MORC2: variants seen among roughly 807,000 people sequenced by gnomAD.
MORC2 encodes the protein MORC family CW-type zinc finger 2, also known as ATPase MORC2.
A neutral mutation model predicts 136.0 loss-of-function variants in MORC2; 30 were observed. The observed-to-expected ratio is 0.22, with a 90% CI of 0.17 to 0.30. The LOEUF is 0.30. Among genes scored for constraint, MORC2 ranks in the 10% least tolerant of loss-of-function variants. MORC2 has a pLI of 1.00. For missense variants in MORC2, 922 were observed against 1,333.1 expected (o/e 0.69, Z 4.80); for synonymous variants, 439 against 487.0 (o/e 0.90, Z 1.30).
chr22:30,958,763 G>A (rs2041002410), intron 1 of MORC2, 69 bp from the exon 2 acceptor site: 1 of 1,350,470 alleles, frequency 7.4e-7, no homozygotes, highest in Non-Finnish European at 1.0e-6. Flanking sequence ...AAAAGCCATG[G>A]TTATAAAATA....
At chr22:30,928,686 C>T (rs1354374560) in intron 24 of MORC2, among the ~76,000 whole-genome samples, 1 of 152,162 alleles carries the variant, frequency 6.6e-6, no homozygotes, top group Non-Finnish European at 1.5e-5. Context: ...GTATATACTT[C>T]TACAGCATCA....
At chr22:30,946,766 C>T (rs2040822543) in intron 5 of MORC2, among the ~76,000 whole-genome samples, 1 of 152,188 alleles carries the variant, frequency 6.6e-6, no homozygotes, top group South Asian at 2.1e-4. Flanking sequence ...GTTAGTCTCA[C>T]TCCCCCCACA....
At chr22:30,954,817 T>C (rs2040942236) in intron 3 of MORC2, among the ~76,000 whole-genome samples, 1 of 152,228 alleles carries the variant, frequency 6.6e-6, no homozygotes, top group Non-Finnish European at 1.5e-5. Context: ...AGAGGCCCAT[T>C]CTCTGCTTTA....
chr22:30,932,551 A>C lies in MORC2; in HGVS notation c.2741T>G (p.Ile914Ser), dbSNP rs772397976. 2 of 1,613,970 alleles carry C rather than the reference A, an allele frequency of 1.2e-6. No individual in the cohort carries two copies. The highest frequency in any genetic ancestry group is 1.1e-5 in the South Asian group (1 of 91,072). Residue 914 changes from isoleucine (I) to serine (S), a missense_variant, in exon 23 of 26, where the codon ATC (isoleucine) becomes AGC (serine). Coordinates refer to ENST00000397641, the MANE Select transcript of MORC2 (RefSeq NM_001303256.3). The surrounding 1 kb of genome is among the most constrained non-coding windows in gnomAD (Gnocchi z 4.4). ...NHETIDLLVQ[I>S]LRNCLRYFLP... ...AGACAAAAGACACATGTACCGGAGG[A>C]TCTGGACAAGCAGGTCGATGGTCTC...
chr22:30,932,809 C>G lies in MORC2; in HGVS notation c.2523-40G>C. 1 of 1,613,092 alleles carries G rather than the reference C, an allele frequency of 6.2e-7. No homozygotes were observed. The highest frequency in any genetic ancestry group is 1.1e-5 in the South Asian group (1 of 91,020). ...CAGCTTATGTCATGTCTGACCCGGG[C>G]TCCCAGGATGGGCTGCTGGCAGGGA... On this transcript the variant is annotated intron_variant, in intron 22 of 25. Coordinates refer to ENST00000397641, the MANE Select transcript of MORC2 (RefSeq NM_001303256.3). The surrounding 1 kb of genome is among the most constrained non-coding windows in gnomAD (Gnocchi z 4.4).
At chr22:30,938,818 C>T (rs1299503611) in intron 12 of MORC2, among the ~76,000 whole-genome samples, 6 of 152,210 alleles carry the variant, frequency 3.9e-5, no homozygotes. Context: ...ATCCACCCAC[C>T]TCAGCCTCCC....
At chr22:30,943,169 A>G (rs1273522584) in intron 6 of MORC2, among the ~76,000 whole-genome samples, 1 of 152,222 alleles carries the variant, frequency 6.6e-6, no homozygotes, top group Non-Finnish European at 1.5e-5. Flanking sequence ...GATACAAAAA[A>G]TACCTACAGT....
At position 30,941,712 on chromosome 22, in the gene MORC2, C is replaced by T. The variant is rs1041190982; in HGVS notation, c.699-154G>A. 2.6e-5 allele frequency among the ~76,000 whole-genome samples: 4 copies of T among 152,192 alleles called. No individual in the cohort carries two copies. Among genetic ancestry groups the T allele is most frequent in the African/African-American group, 7.2e-5 (3 of 41,452 alleles). ...TGGTGCTCCCTTAGTGTGAGCACCA[C>T]ATCCCGCCCCTCTCACGTCCTCAGC... On this transcript the variant is annotated intron_variant, in intron 8 of 25. Transcript: ENST00000397641. This position sits in a 1 kb window ranked among gnomAD's most constrained non-coding sequence, Gnocchi z 4.6.
chr22:30,966,918 G>A (rs1388809878), intron 1 of MORC2: 1 of 181,176 alleles, frequency 5.5e-6, no homozygotes, highest in Non-Finnish European at 1.1e-5. Flanking sequence ...CAAACATGTT[G>A]TCTTCTCCAT....
chr22:30,934,668 G>A lies in MORC2; in HGVS notation c.2193+113C>T. 2 of 1,430,028 alleles carry A rather than the reference G, an allele frequency of 1.4e-6. No individual in the cohort carries two copies. Among genetic ancestry groups the A allele is most frequent in the African/African-American group, 1.4e-5 (1 of 70,602 alleles). The allele number at this position is 1,430,028 out of a possible 1,614,324, so 88.6% of individuals were successfully genotyped here. A position where few individuals can be genotyped will look rare whatever the true frequency, so the allele number is the denominator to read the frequency against. On this transcript the variant is annotated intron_variant, in intron 19 of 25. Coordinates refer to ENST00000397641, the MANE Select transcript of MORC2 (RefSeq NM_001303256.3). The surrounding 1 kb of genome is among the most constrained non-coding windows in gnomAD (Gnocchi z 4.4). ...TCCCGTCCTCAGGGGCAGCAGCAAA[G>A]CTTTAGATTCAGTATCTTCCGAAGG...
intron 24 of MORC2, among the ~76,000 whole-genome samples, chr22:30,929,582 A>C (rs537032502): frequency 6.6e-6 from 1 of 152,204 alleles, no homozygotes; most frequent in East Asian, 1.9e-4. Flanking sequence ...CCCCATCTCT[A>C]CTAAAAATAT....
At position 30,925,632 on chromosome 22, in the gene MORC2, C is replaced by T. The variant is rs1017464916; in HGVS notation, c.*1171G>A. The T allele has an allele frequency of 6.5e-6, 1 of 153,764 alleles. No individual in the cohort carries two copies. Among genetic ancestry groups the T allele is most frequent in the Non-Finnish European group, 1.5e-5 (1 of 68,078 alleles). The allele number at this position is 153,764 out of a possible 1,614,324, so 9.5% of individuals were successfully genotyped here. On this transcript the variant is annotated 3_prime_UTR_variant, in exon 26 of 26. Transcript: ENST00000397641. ...TACAAAGTCACAGTCCTTGTGCCTTCAGAAAACCCAGAGGCCCCAAATACG... is the reference window on the plus strand; with the variant it reads ...TACAAAGTCACAGTCCTTGTGCCTTTAGAAAACCCAGAGGCCCCAAATACG...
rs1299828301 is a variant in MORC2, at chr22:30,965,267, C to T, written c.68+2555G>A. ...GACACCATGAAATGGTCTCGTGTTCCTAAGATTTTAACAGAACAAAGGAGA... is the reference window on the plus strand; with the variant it reads ...GACACCATGAAATGGTCTCGTGTTCTTAAGATTTTAACAGAACAAAGGAGA... On this transcript the variant is annotated intron_variant, in intron 1 of 25. Transcript: ENST00000397641. Among the ~76,000 whole-genome samples, 5 of 152,166 alleles carry T rather than the reference C, an allele frequency of 3.3e-5. No individual in the cohort carries two copies. In the East Asian group the frequency reaches 5.8e-4, roughly 18 times the overall value.
chr22:30,960,139 G>T (rs771262566), intron 1 of MORC2, among the ~76,000 whole-genome samples: 10 of 152,016 alleles, frequency 6.6e-5, no homozygotes, highest in African/African-American at 2.4e-4. Flanking sequence ...GGCTAATTTT[G>T]TATTTTTAGT....
Position 30,937,802 on chromosome 22 carries a change from C to A in MORC2, c.1369+13G>T. The A allele has an allele frequency of 6.2e-7, 1 of 1,614,120 alleles. No individual in the cohort carries two copies. Among genetic ancestry groups the A allele is most frequent in the South Asian group, 1.1e-5 (1 of 91,076 alleles). On this transcript the variant is annotated intron_variant, in intron 14 of 25. Transcript: ENST00000397641. This position sits in a 1 kb window ranked among gnomAD's most constrained non-coding sequence, Gnocchi z 4.7. ...AGAGAAAAGGCAGAGGCCCAGCAGC[C>A]CAGCCCCATTACCGATGGCAATATC...
At chr22:30,945,002 G>A (rs1281390484) in intron 6 of MORC2, among the ~76,000 whole-genome samples, 4 of 152,226 alleles carry the variant, frequency 2.6e-5, no homozygotes, top group African/African-American at 4.8e-5. Context: ...TCAAGGCCCC[G>A]AGGTCAAGCC....
chr22:30,950,337 G>GCGGGGGGGGCCCC, intron 4 of MORC2, 40 bp downstream of exon 4: 1 of 761,756 alleles, frequency 1.3e-6, no homozygotes. Context: ...TGGTTACATC[G>GCGGGGGGGGCCCC]CACCCCCCCA....
At chr22:30,946,277 A>G (rs2040813951) in intron 6 of MORC2, 64 bp downstream of exon 6, 5 of 1,379,718 alleles carry the variant, frequency 3.6e-6, no homozygotes, top group Non-Finnish European at 5.0e-6. Context: ...ATAACCTACG[A>G]AAACCGCCTG....
At position 30,968,465 on chromosome 22, in the gene MORC2, T is replaced by C. The variant is rs913986329; in HGVS notation, c.-576A>G. ...AGTTGCAGCTTCACCACCTCCCAAG[T>C]GAAAAAGCTCCTAGGCACTCACGAT... On this transcript the variant is annotated 5_prime_UTR_variant, in exon 1 of 26. Transcript: ENST00000397641. Among the ~76,000 whole-genome samples the C allele has an allele frequency of 6.6e-6, 1 of 152,162 alleles. No individual in the cohort carries two copies. The highest frequency in any genetic ancestry group is 1.5e-5 in the Non-Finnish European group (1 of 68,032).
Sources: allele counts gnomAD v4.1 joint callset (sites outside exome capture counted in the v4.1 genomes callset), GRCh38; gene constraint gnomAD v4.1.1; non-coding constraint Gnocchi (gnomAD v3.1); transcripts MANE v1.5; gene names NCBI Gene and HGNC (gene_info 2026-07-23, HGNC 2026-07-21).